The following MAPRE1 variants were observed in gnomAD, a reference collection of about 807,000 sequenced individuals.
MAPRE1 encodes the protein microtubule-associated protein RP/EB family member 1.
Under a neutral mutation model 32.1 loss-of-function variants are expected in MAPRE1, and 5 were observed. The ratio of observed to expected loss-of-function variants is 0.16; its 90% CI spans 0.08 to 0.33. The LOEUF (loss-of-function observed/expected upper bound fraction) is 0.33. MAPRE1 is among the 10% of genes least tolerant of loss of function. MAPRE1 has a pLI of 1.00. For missense variants in MAPRE1, 209 were observed against 327.2 expected (o/e 0.64, Z 2.79); for synonymous variants, 122 against 118.9 (o/e 1.03, Z -0.17).
chr20:32,825,787 C>A, intron 1 of MAPRE1, 138 bp from the exon 2 acceptor site: 1 of 610,550 alleles, frequency 1.6e-6, no homozygotes, highest in Non-Finnish European at 2.5e-6. Flanking sequence ...GAGACTCTGT[C>A]TCAAAATAAA....
At chr20:32,822,170 G>A (rs1206487956) in intron 1 of MAPRE1, among the ~76,000 whole-genome samples, 1 of 151,966 alleles carries the variant, frequency 6.6e-6, no homozygotes, top group African/African-American at 2.4e-5. Flanking sequence ...TTTGAGCTGG[G>A]GTGTGGTCAG....
At chr20:32,847,758 T>A (rs1470993566) in intron 6 of MAPRE1, among the ~76,000 whole-genome samples, 3 of 152,144 alleles carry the variant, frequency 2.0e-5, no homozygotes, top group Non-Finnish European at 2.9e-5. Context: ...GAAGTCTGAT[T>A]TTACAGCAGA....
chr20:32,827,338 G>A (rs1026163380), intron 2 of MAPRE1, among the ~76,000 whole-genome samples: 14 of 152,058 alleles, frequency 9.2e-5, no homozygotes, highest in Non-Finnish European at 1.8e-4. Flanking sequence ...AGCCCGGGAG[G>A]TGGAGGTTAC....
intron 5 of MAPRE1, among the ~76,000 whole-genome samples, chr20:32,840,153 G>T (rs1183738773): frequency 6.6e-6 from 1 of 152,200 alleles, no homozygotes; most frequent in Non-Finnish European, 1.5e-5. Context: ...TTTGGAGAAT[G>T]AAAGATAAAG....
At chr20:32,827,746 A>C (rs1286419698) in intron 2 of MAPRE1, among the ~76,000 whole-genome samples, 1 of 151,686 alleles carries the variant, frequency 6.6e-6, no homozygotes, top group Non-Finnish European at 1.5e-5. Flanking sequence ...AATACAAAAA[A>C]TTAGCCAGGC....
intron 1 of MAPRE1, among the ~76,000 whole-genome samples, chr20:32,820,436 G>A (rs974293541): frequency 6.6e-6 from 1 of 152,152 alleles, no homozygotes; most frequent in Non-Finnish European, 1.5e-5. Context: ...GAGATCGGGT[G>A]GTGGAGTCAG....
At chr20:32,831,561 C>G (rs980815733) in intron 2 of MAPRE1, among the ~76,000 whole-genome samples, 3 of 149,426 alleles carry the variant, frequency 2.0e-5, no homozygotes, top group African/African-American at 7.4e-5. Flanking sequence ...CGGAGTCTTG[C>G]TCTGTCTCCC....
chr20:32,845,072 G>A (rs1437580641), intron 5 of MAPRE1, among the ~76,000 whole-genome samples: 1 of 152,158 alleles, frequency 6.6e-6, no homozygotes, highest in Non-Finnish European at 1.5e-5. Flanking sequence ...ACAGGGTCTT[G>A]CTGTGTCTCC....
chr20:32,828,511 A>G (rs1982931692), intron 2 of MAPRE1, among the ~76,000 whole-genome samples: 1 of 152,242 alleles, frequency 6.6e-6, no homozygotes, highest in South Asian at 2.1e-4. Context: ...GGGCATAAAG[A>G]GGCTTCAGTC....
chr20:32,834,679 G>A (rs1983136180), intron 3 of MAPRE1, among the ~76,000 whole-genome samples: 2 of 151,926 alleles, frequency 1.3e-5, no homozygotes, highest in South Asian at 4.2e-4. Context: ...GGCATTTATA[G>A]TATAAGAATA....
intron 1 of MAPRE1, among the ~76,000 whole-genome samples, chr20:32,822,813 G>T (rs969017800): frequency 6.6e-6 from 1 of 152,150 alleles, no homozygotes; most frequent in African/African-American, 2.4e-5. Context: ...AATCTGGCTC[G>T]AGAATGGTTC....
chr20:32,846,532 A>G, intron 5 of MAPRE1, 86 bp from the exon 6 acceptor site: 1 of 1,287,358 alleles, frequency 7.8e-7, no homozygotes, highest in Non-Finnish European at 1.1e-6. Context: ...ATCAAAGACC[A>G]CATCTCCTTT....
At chr20:32,822,832 C>T (rs977798051) in intron 1 of MAPRE1, among the ~76,000 whole-genome samples, 1 of 152,050 alleles carries the variant, frequency 6.6e-6, no homozygotes, top group Non-Finnish European at 1.5e-5. Flanking sequence ...TCAGAAATAA[C>T]GAGATAATGA....
intron 5 of MAPRE1, among the ~76,000 whole-genome samples, chr20:32,841,414 C>T (rs1157298848): frequency 6.6e-6 from 1 of 151,518 alleles, no homozygotes; most frequent in African/African-American, 2.4e-5. Context: ...TCCGAGAGAG[C>T]GTGCCAGGTT....
At chr20:32,832,030 G>C (rs1436449850) in intron 2 of MAPRE1, among the ~76,000 whole-genome samples, 1 of 151,628 alleles carries the variant, frequency 6.6e-6, no homozygotes, top group African/African-American at 2.4e-5. Context: ...AGAAATCAAG[G>C]CCTTAACCTT....
chr20:32,847,798 A>G (rs1983543948), intron 6 of MAPRE1, among the ~76,000 whole-genome samples: 1 of 152,194 alleles, frequency 6.6e-6, no homozygotes, highest in Admixed American at 6.5e-5. Context: ...CTCTGAGTCC[A>G]TGCCAGAATG....
chr20:32,823,386 A>G (rs1160187508), intron 1 of MAPRE1, among the ~76,000 whole-genome samples: 1 of 151,922 alleles, frequency 6.6e-6, no homozygotes, highest in Non-Finnish European at 1.5e-5. Flanking sequence ...GCCCCTCCCC[A>G]CTGGTAATGT....
At chr20:32,846,159 G>T (rs542360190) in intron 5 of MAPRE1, among the ~76,000 whole-genome samples, 1 of 152,256 alleles carries the variant, frequency 6.6e-6, no homozygotes, top group East Asian at 1.9e-4. Flanking sequence ...CCTCAGTGGG[G>T]CTCATGGAGG....
chr20:32,837,043 C>G (rs1049837829), intron 4 of MAPRE1, among the ~76,000 whole-genome samples: 2 of 152,182 alleles, frequency 1.3e-5, no homozygotes, highest in Admixed American at 6.5e-5. Context: ...TAAGCAACTT[C>G]AACTCTGCCC....
Sources: gnomAD v4.1 joint callset for allele counts (sites outside exome capture counted in the v4.1 genomes callset) on GRCh38, gnomAD v4.1.1 for gene constraint, MANE v1.5 for transcripts, NCBI Gene and HGNC (gene_info 2026-07-23, HGNC 2026-07-21) for gene names.